The following ACER3 variants were observed in gnomAD, a reference collection of about 807,000 sequenced individuals.
ACER3 encodes alkCDase 3.
In ACER3, 16 loss-of-function variants were observed where a neutral mutation model predicts 48.9. The ratio of observed to expected loss-of-function variants is 0.33; its 90% CI spans 0.22 to 0.50. The LOEUF (loss-of-function observed/expected upper bound fraction) is 0.50. Ranked by LOEUF, ACER3 falls within the 20% of genes least tolerant of loss-of-function variation. The pLI is 0.98. For missense variants in ACER3, 227 were observed against 326.0 expected, an observed-to-expected ratio of 0.70 and a Z score of 2.34; for synonymous variants, 109 against 107.8, an observed-to-expected ratio of 1.01 and a Z score of -0.07.
intron 2 of ACER3, among the ~76,000 whole-genome samples, chr11:76,944,811 A>G (rs1257982463): frequency 6.6e-6 from 1 of 152,002 alleles, no homozygotes; most frequent in Non-Finnish European, 1.5e-5. Context: ...GAACTTTTTG[A>G]TCTCTCTTCC....
chr11:76,998,712 C>G, intron 6 of ACER3, 51 bp from the exon 7 acceptor site: 1 of 1,404,330 alleles, frequency 7.1e-7, no homozygotes, highest in Non-Finnish European at 9.8e-7. Flanking sequence ...AATAGACTTC[C>G]TTTGCCAAAC....
chr11:76,872,786 G>A (rs1945273693), intron 1 of ACER3, among the ~76,000 whole-genome samples: 1 of 152,034 alleles, frequency 6.6e-6, no homozygotes, highest in Admixed American at 6.5e-5. Flanking sequence ...AGACTTTAAT[G>A]TGTATGTGGA....
intron 1 of ACER3, among the ~76,000 whole-genome samples, chr11:76,908,215 G>C (rs1003882773): frequency 1.3e-5 from 2 of 152,190 alleles, no homozygotes; most frequent in Admixed American, 1.3e-4. Flanking sequence ...TAGCCTGGGC[G>C]ACAGAGCAAG....
At chr11:76,868,969 G>A (rs973425964) in intron 1 of ACER3, among the ~76,000 whole-genome samples, 1 of 152,168 alleles carries the variant, frequency 6.6e-6, no homozygotes, top group African/African-American at 2.4e-5. Context: ...TTCCAAACCT[G>A]CCCCTGGGTA....
chr11:76,993,925 G>A (rs894305179), intron 6 of ACER3, among the ~76,000 whole-genome samples: 6 of 152,198 alleles, frequency 3.9e-5, no homozygotes, highest in African/African-American at 1.4e-4. Context: ...CTAAAAGGCT[G>A]CAGACCTGTA....
intron 7 of ACER3, among the ~76,000 whole-genome samples, chr11:77,004,629 T>C (rs934382639): frequency 6.6e-6 from 1 of 152,244 alleles, no homozygotes; most frequent in Non-Finnish European, 1.5e-5. Flanking sequence ...TGCTGTATCT[T>C]CTTGGCAGAT....
At chr11:76,931,388 C>T (rs896956473) in intron 2 of ACER3, among the ~76,000 whole-genome samples, 10 of 149,080 alleles carry the variant, frequency 6.7e-5, no homozygotes, top group Non-Finnish European at 1.5e-4. Context: ...CTCCTGAATA[C>T]AGCACACTGA....
chr11:76,960,365 C>T (rs868120944), intron 3 of ACER3, among the ~76,000 whole-genome samples: 13 of 151,958 alleles, frequency 8.6e-5, no homozygotes, highest in Middle Eastern at 3.4e-3. Context: ...GCCAAGATCA[C>T]GCCACTGCAC....
At chr11:76,951,165 C>T (rs1378168415) in intron 2 of ACER3, among the ~76,000 whole-genome samples, 1 of 152,134 alleles carries the variant, frequency 6.6e-6, no homozygotes. Context: ...TTATGTACAG[C>T]CTTAAGTTAC....
chr11:76,881,279 T>G (rs1204514136), intron 1 of ACER3, among the ~76,000 whole-genome samples: 1 of 150,796 alleles, frequency 6.6e-6, no homozygotes, highest in Admixed American at 6.6e-5. Flanking sequence ...AAAGTAGAAT[T>G]CCCAAGCAGA....
chr11:76,959,079 G>C (rs1281989596), intron 3 of ACER3, 48 bp downstream of exon 3: 1 of 1,612,576 alleles, frequency 6.2e-7, no homozygotes. Context: ...TAATTCAGAA[G>C]TACTTCAGAT....
chr11:76,879,613 C>A (rs1009063248), intron 1 of ACER3, among the ~76,000 whole-genome samples: 2 of 151,960 alleles, frequency 1.3e-5, no homozygotes, highest in Admixed American at 1.3e-4. Context: ...AAGTTCTTTA[C>A]TTGTTGAGTT....
At chr11:76,995,760 G>A (rs1308963910) in intron 6 of ACER3, among the ~76,000 whole-genome samples, 1 of 152,118 alleles carries the variant, frequency 6.6e-6, no homozygotes, top group Non-Finnish European at 1.5e-5. Context: ...AAAGTATGGG[G>A]TAGGTTGCTC....
At chr11:76,996,393 C>T (rs1487288699) in intron 6 of ACER3, among the ~76,000 whole-genome samples, 3 of 118,890 alleles carry the variant, frequency 2.5e-5, no homozygotes, top group Non-Finnish European at 5.5e-5. Flanking sequence ...CCTTCATTGG[C>T]TTTCCATTAT....
intron 2 of ACER3, among the ~76,000 whole-genome samples, chr11:76,943,515 G>A (rs1172566218): frequency 6.6e-6 from 1 of 152,024 alleles, no homozygotes; most frequent in Non-Finnish European, 1.5e-5. Context: ...ACTGTGATCT[G>A]AGAAGATACT....
rs1949481177 is a variant in ACER3, at chr11:77,022,083, C to T, written c.*1756C>T. 1.3e-5 allele frequency: 2 copies of T among 152,136 alleles called. No homozygotes were observed. The highest frequency in any genetic ancestry group is 2.9e-5 in the Non-Finnish European group (2 of 68,038). The allele number at this position is 152,136 out of a possible 1,614,324, so 9.4% of individuals were successfully genotyped here. On this transcript the variant is annotated 3_prime_UTR_variant, in exon 11 of 11. Coordinates refer to ENST00000532485, the MANE Select transcript of ACER3 (RefSeq NM_018367.7). ...ACCTGCAGTTACCTGGGCTATCGGC[C>T]GTGATACATTTTTTAATTCATTTGT...
chr11:76,979,570 T>C (rs1048037915), intron 4 of ACER3, among the ~76,000 whole-genome samples: 9 of 152,032 alleles, frequency 5.9e-5, no homozygotes, highest in African/African-American at 2.2e-4. Context: ...GGAGAATCGC[T>C]TGAACCCAGG....
At chr11:77,014,128 C>G (rs1391135530) in intron 7 of ACER3, among the ~76,000 whole-genome samples, 1 of 152,134 alleles carries the variant, frequency 6.6e-6, no homozygotes, top group Non-Finnish European at 1.5e-5. Context: ...AAATGTAAGT[C>G]AGTTATACCT....
Position 77,022,936 on chromosome 11 carries a change from T to G in ACER3, c.*2609T>G, listed in dbSNP as rs1555024832. The G allele has an allele frequency of 2.6e-6, 1 of 390,676 alleles. No individual in the cohort carries two copies. The highest frequency in any genetic ancestry group is 2.1e-5 in the African/African-American group (1 of 48,452). The allele number at this position is 390,676 out of a possible 1,614,324, so 24.2% of individuals were successfully genotyped here. A position where few individuals can be genotyped will look rare whatever the true frequency, so the allele number is the denominator to read the frequency against. On this transcript the variant is annotated 3_prime_UTR_variant, in exon 11 of 11. Transcript: ENST00000532485. ...AAGGATGTAAAAGAAGCAATTTGCT[T>G]GCACATCTGAATATCCTTCTTGTGC...
Sources: allele counts gnomAD v4.1 joint callset (sites outside exome capture counted in the v4.1 genomes callset), GRCh38; gene constraint gnomAD v4.1.1; transcripts MANE v1.5; gene names NCBI Gene and HGNC (gene_info 2026-07-23, HGNC 2026-07-21).